Variants in FBXO4 observed in about 807,000 individuals in gnomAD.
FBXO4 encodes the protein F-box only protein 4.
In FBXO4, 36 loss-of-function variants were observed where a neutral mutation model predicts 43.7. The ratio of observed to expected loss-of-function variants is 0.82; its 90% CI spans 0.63 to 1.09. FBXO4 has a LOEUF of 1.09. FBXO4 is among the 50% of genes least tolerant of loss of function. The probability of loss-of-function intolerance (pLI) is 0.00; values close to 1 mark genes in which losing one functional copy is unlikely to be tolerated. For missense variants in FBXO4, 435 were observed against 474.1 expected (o/e 0.92, Z 0.77); for synonymous variants, 180 against 165.6 (o/e 1.09, Z -0.67).
the FBXO4 span, among the ~76,000 whole-genome samples, chr5:41,970,614 G>GA: frequency 6.6e-6 from 1 of 151,354 alleles, no homozygotes; most frequent in Non-Finnish European, 1.5e-5. Context: ...TAACCACAAG[G>GA]AAAAAAGCTT....
intron 5 of FBXO4, among the ~76,000 whole-genome samples, chr5:41,937,768 G>T (rs1343578231): frequency 2.0e-5 from 3 of 152,222 alleles, no homozygotes; most frequent in African/African-American, 7.2e-5. Context: ...CTTGGCAGAA[G>T]GCAGAAAGGG....
the FBXO4 span, among the ~76,000 whole-genome samples, chr5:41,996,962 C>A: frequency 2.0e-4 from 30 of 152,176 alleles, no homozygotes; most frequent in Non-Finnish European, 2.4e-4. Context: ...TGTAATGGAC[C>A]AGTGTGACAT....
At chr5:42,039,460 C>A in the FBXO4 span, among the ~76,000 whole-genome samples, 1 of 152,068 alleles carries the variant, frequency 6.6e-6, no homozygotes, top group African/African-American at 2.4e-5. Flanking sequence ...TGTTAAACTT[C>A]CCAGACATGT....
chr5:41,980,280 T>C, the FBXO4 span, among the ~76,000 whole-genome samples: 1 of 152,226 alleles, frequency 6.6e-6, no homozygotes, highest in South Asian at 2.1e-4. Flanking sequence ...CTCCAGTATA[T>C]ATTCAGGATA....
the FBXO4 span, among the ~76,000 whole-genome samples, chr5:41,953,027 G>A: frequency 6.6e-6 from 1 of 150,736 alleles, no homozygotes; most frequent in South Asian, 2.1e-4. Context: ...TTAAGTTTTA[G>A]GGTACATGTG....
chr5:41,989,209 A>G, the FBXO4 span, among the ~76,000 whole-genome samples: 2 of 152,200 alleles, frequency 1.3e-5, no homozygotes, highest in East Asian at 3.8e-4. Context: ...TAAATTAATT[A>G]GATATTATCA....
chr5:41,973,686 T>C, the FBXO4 span, among the ~76,000 whole-genome samples: 1 of 152,128 alleles, frequency 6.6e-6, no homozygotes, highest in African/African-American at 2.4e-5. Context: ...TTTGGCAATT[T>C]CTCAAGGAAC....
the FBXO4 span, among the ~76,000 whole-genome samples, chr5:42,021,276 A>G: frequency 6.6e-6 from 1 of 152,166 alleles, no homozygotes; most frequent in African/African-American, 2.4e-5. Context: ...ACGGACATGG[A>G]TACAAGGGAA....
the FBXO4 span, chr5:41,952,047 A>T: frequency 3.0e-4 from 72 of 238,586 alleles, no homozygotes; most frequent in African/African-American, 1.6e-3. Context: ...CAGATTTATG[A>T]TGCAGATGCT....
At chr5:41,971,666 A>G in the FBXO4 span, among the ~76,000 whole-genome samples, 2 of 151,994 alleles carry the variant, frequency 1.3e-5, no homozygotes, top group East Asian at 1.9e-4. Flanking sequence ...GAATCTTAAA[A>G]TAGGTAAAAT....
the FBXO4 span, among the ~76,000 whole-genome samples, chr5:41,983,823 C>T: frequency 1.3e-5 from 2 of 151,748 alleles, no homozygotes; most frequent in Non-Finnish European, 2.9e-5. Flanking sequence ...ATAGTAAATG[C>T]CCTATTTTAA....
the FBXO4 span, among the ~76,000 whole-genome samples, chr5:42,032,029 C>T: frequency 3.3e-5 from 5 of 150,180 alleles, no homozygotes; most frequent in Non-Finnish European, 5.9e-5. Context: ...CAGCTGTAGT[C>T]TCTCTCTCAC....
rs749064912 is a variant in FBXO4, at chr5:41,934,038, G to C, written c.722+17G>C. 1 of 1,612,436 alleles carries C rather than the reference G, an allele frequency of 6.2e-7. No individual in the cohort carries two copies. The highest frequency in any genetic ancestry group is 8.5e-7 in the Non-Finnish European group (1 of 1,178,820). Reference sequence around the variant, plus strand: ...AACTACCAGGTAAGGCTACATACTTGGTGGCTTAACTGAAACATCAGAACT... The same window carrying C: ...AACTACCAGGTAAGGCTACATACTTCGTGGCTTAACTGAAACATCAGAACT... On this transcript the variant is annotated intron_variant, in intron 4 of 6. Transcript: ENST00000281623.
the FBXO4 span, among the ~76,000 whole-genome samples, chr5:41,950,317 C>T: frequency 3.9e-5 from 6 of 152,118 alleles, no homozygotes; most frequent in Non-Finnish European, 8.8e-5. Flanking sequence ...ATCTATTCAT[C>T]TGACAAGGGC....
At chr5:41,958,684 T>A in the FBXO4 span, among the ~76,000 whole-genome samples, 1 of 152,226 alleles carries the variant, frequency 6.6e-6, no homozygotes, top group African/African-American at 2.4e-5. Context: ...TCACTTAATA[T>A]AATGTACTCC....
At chr5:42,000,827 G>A in the FBXO4 span, among the ~76,000 whole-genome samples, 1 of 152,160 alleles carries the variant, frequency 6.6e-6, no homozygotes, top group Non-Finnish European at 1.5e-5. Context: ...ATTTACTGAA[G>A]AGACCATCTT....
chr5:41,931,279 T>G (rs181747285), intron 3 of FBXO4, among the ~76,000 whole-genome samples: 1 of 152,342 alleles, frequency 6.6e-6, no homozygotes, highest in East Asian at 1.9e-4. Context: ...GAGAAGAGAA[T>G]GAATAGTAAG....
At chr5:41,944,719 A>C (rs1033233460), downstream of FBXO4, among the ~76,000 whole-genome samples, 1 of 152,214 alleles carries the variant, frequency 6.6e-6, no homozygotes, top group African/African-American at 2.4e-5. Flanking sequence ...GTGCAGTTTC[A>C]GGATAACCAA....
At chr5:42,001,483 C>T in the FBXO4 span, among the ~76,000 whole-genome samples, 3 of 152,122 alleles carry the variant, frequency 2.0e-5, no homozygotes, top group Non-Finnish European at 4.4e-5. Context: ...CCACCCCTTT[C>T]GGCCTCCCAA....
Sources: gnomAD v4.1 joint callset for allele counts (sites outside exome capture counted in the v4.1 genomes callset) on GRCh38, gnomAD v4.1.1 for gene constraint, MANE v1.5 for transcripts, NCBI Gene and HGNC (gene_info 2026-07-23, HGNC 2026-07-21) for gene names.